The following DNAH6 variants were observed in gnomAD, a reference collection of about 807,000 sequenced individuals.
The protein encoded by DNAH6 is dynein axonemal heavy chain 6.
Under a neutral mutation model 491.4 loss-of-function variants are expected in DNAH6, and 340 were observed. The observed-to-expected ratio is 0.69, with a 90% CI of 0.63 to 0.76. DNAH6 has a LOEUF of 0.76. DNAH6 is among the 30% of genes least tolerant of loss of function. DNAH6 has a pLI of 0.00. For synonymous variants in DNAH6, 1,603 were observed against 1,686.1 expected (o/e 0.95, Z 1.21); for missense variants, 4,443 against 4,972.2 (o/e 0.89, Z 3.20).
chr2:84,462,006 T>C, the DNAH6 span, among the ~76,000 whole-genome samples: 1 of 152,340 alleles, frequency 6.6e-6, no homozygotes, highest in East Asian at 1.9e-4. Context: ...CCCAAAGTCA[T>C]CAAGCCAAGA....
chr2:84,515,561 TTCACA>T (rs2104388122), upstream of DNAH6, among the ~76,000 whole-genome samples: 1 of 152,270 alleles, frequency 6.6e-6, no homozygotes, highest in African/African-American at 2.4e-5. Context: ...TGTAAAGAAC[TTCACA>T]TAGAGCAAGA....
intron 31 of DNAH6, 116 bp downstream of exon 31, chr2:84,637,493 A>T: frequency 8.6e-7 from 1 of 1,168,330 alleles, no homozygotes; most frequent in Non-Finnish European, 1.2e-6. Flanking sequence ...GTTACACATT[A>T]TTAAGTGTAG....
chr2:84,757,627 G>A (rs1383057891), intron 63 of DNAH6, among the ~76,000 whole-genome samples: 2 of 152,184 alleles, frequency 1.3e-5, no homozygotes. Context: ...ACTAAGATAG[G>A]AGTTACTATG....
intron 64 of DNAH6, among the ~76,000 whole-genome samples, chr2:84,772,258 C>T (rs1029711020): frequency 6.6e-6 from 1 of 151,866 alleles, no homozygotes; most frequent in Non-Finnish European, 1.5e-5. Context: ...CAATATCTAA[C>T]TAACAAAAAG....
At chr2:84,787,143 C>G in intron 67 of DNAH6, 21 bp from the exon 68 acceptor site, 1 of 1,463,574 alleles carries the variant, frequency 6.8e-7, no homozygotes, top group Non-Finnish European at 9.1e-7. Context: ...TATTTCAGAT[C>G]ATTTTCATTT....
intron 70 of DNAH6, among the ~76,000 whole-genome samples, chr2:84,798,068 G>A (rs1419869283): frequency 6.6e-6 from 1 of 152,160 alleles, no homozygotes; most frequent in Non-Finnish European, 1.5e-5. Context: ...TAAAAATACA[G>A]TGACAAATGT....
intron 42 of DNAH6, among the ~76,000 whole-genome samples, chr2:84,684,688 C>G (rs988366714): frequency 6.6e-6 from 1 of 152,208 alleles, no homozygotes; most frequent in African/African-American, 2.4e-5. Context: ...TAGACACTCT[C>G]CCTGCCCCTG....
chr2:84,766,596 A>G (rs1675102230), intron 64 of DNAH6, among the ~76,000 whole-genome samples: 2 of 152,198 alleles, frequency 1.3e-5, no homozygotes, highest in Admixed American at 1.3e-4. Flanking sequence ...TCAGATCAAT[A>G]TTTCCACTAA....
At chr2:84,576,266 C>T (rs1194440655) in intron 12 of DNAH6, among the ~76,000 whole-genome samples, 3 of 152,066 alleles carry the variant, frequency 2.0e-5, no homozygotes, top group Non-Finnish European at 4.4e-5. Context: ...TATGAGGAAG[C>T]TGAAGCTCGG....
chr2:84,683,863 T>C (rs1694043846), intron 42 of DNAH6, among the ~76,000 whole-genome samples: 2 of 152,214 alleles, frequency 1.3e-5, no homozygotes, highest in African/African-American at 2.4e-5. Context: ...CTCTCTTTCC[T>C]GTCTTCATCA....
chr2:84,818,764 T>C (rs1042924984), intron 76 of DNAH6, among the ~76,000 whole-genome samples: 2 of 152,170 alleles, frequency 1.3e-5, no homozygotes, highest in East Asian at 1.9e-4. Context: ...TGAAACTCAT[T>C]TGAATCCTGG....
intron 65 of DNAH6, among the ~76,000 whole-genome samples, 194 bp downstream of exon 65, chr2:84,781,847 T>G (rs1263132809): frequency 6.6e-6 from 1 of 152,216 alleles, no homozygotes; most frequent in Admixed American, 6.5e-5. Context: ...GAATTCCAAG[T>G]TGAGGCTAGG....
At chr2:84,786,424 C>CAAAA (rs34307388) in intron 67 of DNAH6, among the ~76,000 whole-genome samples, 2 of 88,772 alleles carry the variant, frequency 2.3e-5, no homozygotes, top group African/African-American at 7.1e-5. Context: ...GACTCTGTCT[C>CAAAA]AAAAAAAAAA....
chr2:84,808,398 C>A lies in DNAH6; in HGVS notation c.11612-17C>A. 1 of 1,507,068 alleles carries A rather than the reference C, an allele frequency of 6.6e-7. No homozygotes were observed. The highest frequency in any genetic ancestry group is 8.9e-7 in the Non-Finnish European group (1 of 1,128,620). 93.4% of individuals were successfully genotyped at this position (1,507,068 alleles called of 1,614,324 possible). On this transcript the variant is annotated splice_polypyrimidine_tract_variant and intron_variant, in intron 71 of 76. Transcript: ENST00000389394. ...ATCAATGGTGACTGGCCTGAGGAAT[C>A]GCTGTGTATGTTTCAGAAAAACTGG... is the stretch of plus-strand genomic sequence containing the variant.
chr2:84,746,597 T>C (rs1477197516), intron 63 of DNAH6, among the ~76,000 whole-genome samples: 1 of 152,178 alleles, frequency 6.6e-6, no homozygotes, highest in African/African-American at 2.4e-5. Flanking sequence ...AAATGGAGAT[T>C]GTTCCTTTGG....
upstream of DNAH6, among the ~76,000 whole-genome samples, chr2:84,512,766 G>A (rs1404810540): frequency 6.6e-6 from 1 of 151,920 alleles, no homozygotes; most frequent in African/African-American, 2.4e-5. Context: ...CACAATTTTT[G>A]TCTTAAAGTC....
At chr2:84,787,642 G>A (rs1271932095) in intron 68 of DNAH6, among the ~76,000 whole-genome samples, 4 of 151,968 alleles carry the variant, frequency 2.6e-5, no homozygotes, top group Non-Finnish European at 5.9e-5. Flanking sequence ...TATTATCACC[G>A]TGCTACACAT....
At chr2:84,616,535 C>A (rs1686869327) in intron 22 of DNAH6, among the ~76,000 whole-genome samples, 1 of 152,054 alleles carries the variant, frequency 6.6e-6, no homozygotes, top group African/African-American at 2.4e-5. Flanking sequence ...TGTCCATTTG[C>A]ATGGAATATC....
At chr2:84,522,849 T>A (rs969549212) in intron 2 of DNAH6, among the ~76,000 whole-genome samples, 1 of 152,124 alleles carries the variant, frequency 6.6e-6, no homozygotes, top group African/African-American at 2.4e-5. Context: ...TTTTATGTGC[T>A]TCTGGATTCG....
Sources: allele counts gnomAD v4.1 joint callset (sites outside exome capture counted in the v4.1 genomes callset), GRCh38; gene constraint gnomAD v4.1.1; transcripts MANE v1.5; gene names NCBI Gene and HGNC (gene_info 2026-07-23, HGNC 2026-07-21).